Variants in KAZN observed in about 807,000 individuals in gnomAD.
KAZN encodes the protein kazrin, periplakin interacting protein.
Under a neutral mutation model 87.4 loss-of-function variants are expected in KAZN, and 40 were observed. The observed-to-expected ratio is 0.46, with a 90% CI of 0.36 to 0.60. The LOEUF (loss-of-function observed/expected upper bound fraction) is 0.60, where lower values mean the gene tolerates loss of function less well. Ranked by LOEUF, KAZN falls within the 20% of genes least tolerant of loss-of-function variation. The pLI is 0.00. For missense variants in KAZN, 898 were observed against 1,073.9 expected (o/e 0.84, Z 2.29); for synonymous variants, 466 against 458.3 (o/e 1.02, Z -0.22).
chr1:14,692,273 G>A (rs1039482646), intron 1 of KAZN: 3 of 697,074 alleles, frequency 4.3e-6, no homozygotes, highest in African/African-American at 3.7e-5. Flanking sequence ...TCATCATCTG[G>A]GATTCTTGTA....
At chr1:14,990,641 A>T (rs180832342) in intron 2 of KAZN, among the ~76,000 whole-genome samples, 1 of 151,910 alleles carries the variant, frequency 6.6e-6, no homozygotes, top group Admixed American at 6.6e-5. Context: ...AGAGACCATG[A>T]GCCCCTTCAA....
At chr1:14,153,509 T>G (rs1309523093) in intron 1 of KAZN, among the ~76,000 whole-genome samples, 1 of 152,198 alleles carries the variant, frequency 6.6e-6, no homozygotes, top group Non-Finnish European at 1.5e-5. Context: ...GTGCAGTGGC[T>G]CACGCCTGTA....
rs535822558 is a variant in KAZN at position 14,464,908 on chromosome 1, A to C, written c.250-134075A>C. On this transcript the variant is annotated intron_variant, in intron 2 of 16. Transcript: ENST00000636203. ...GGGTCATATCACCTTGTTACATAGC[A>C]TGTTGCTGCATAACAGCTGTGTACC... 2.6e-5 allele frequency among the ~76,000 whole-genome samples: 4 copies of C among 152,116 alleles called. No homozygotes were observed. In the South Asian group the frequency reaches 6.2e-4, roughly 24 times the overall value.
chr1:14,031,440 C>T (rs1028181723), intron 1 of KAZN, among the ~76,000 whole-genome samples: 11 of 152,186 alleles, frequency 7.2e-5, no homozygotes, highest in African/African-American at 2.7e-4. Flanking sequence ...TGATTTAATT[C>T]GTTGCTCCAT....
At chr1:13,932,422 G>A (rs980642154) in intron 1 of KAZN, among the ~76,000 whole-genome samples, 7 of 151,496 alleles carry the variant, frequency 4.6e-5, no homozygotes, top group Non-Finnish European at 1.0e-4. Flanking sequence ...CACTACGCCC[G>A]GCTAATTTTT....
chr1:14,106,140 A>C (rs562061412), intron 1 of KAZN, among the ~76,000 whole-genome samples: 7 of 152,344 alleles, frequency 4.6e-5, no homozygotes, highest in African/African-American at 1.7e-4. Flanking sequence ...CAAACCCAGA[A>C]GGGGTAGCCT....
intron 2 of KAZN, among the ~76,000 whole-genome samples, chr1:14,305,781 A>G (rs893064023): frequency 3.3e-5 from 5 of 152,056 alleles, no homozygotes; most frequent in African/African-American, 1.2e-4. Context: ...TAACAGGCTT[A>G]TAATCTATGG....
upstream of KAZN, among the ~76,000 whole-genome samples, chr1:14,596,359 C>A (rs1676514687): frequency 3.3e-5 from 5 of 152,112 alleles, no homozygotes; most frequent in Admixed American, 2.6e-4. Context: ...TAGAGCTACT[C>A]TTAACTGTTT....
At chr1:14,661,663 G>A (rs1204980565) in intron 1 of KAZN, among the ~76,000 whole-genome samples, 5 of 93,228 alleles carry the variant, frequency 5.4e-5, no homozygotes, top group Non-Finnish European at 1.2e-4. Flanking sequence ...ATTGGGGGAC[G>A]GGGGGGCGGG....
chr1:14,570,398 C>T (rs1674792216), intron 2 of KAZN, among the ~76,000 whole-genome samples: 2 of 152,194 alleles, frequency 1.3e-5, no homozygotes, highest in Admixed American at 1.3e-4. Context: ...CCTCCTCCTC[C>T]CAATTCCTAT....
At chr1:15,110,364 G>A (rs1641514239) in intron 13 of KAZN, among the ~76,000 whole-genome samples, 2 of 143,178 alleles carry the variant, frequency 1.4e-5, no homozygotes, top group East Asian at 4.2e-4. Context: ...GTGTGTATGT[G>A]TGTATATGTA....
chr1:14,928,882 C>T (rs568857072), intron 1 of KAZN, among the ~76,000 whole-genome samples: 55 of 152,326 alleles, frequency 3.6e-4, no homozygotes, highest in Middle Eastern at 6.8e-3. Context: ...CTGCCCTCCA[C>T]CCTGTGTTGT....
intron 2 of KAZN, among the ~76,000 whole-genome samples, chr1:14,278,335 G>A (rs563169120): frequency 1.0e-4 from 15 of 145,748 alleles, no homozygotes; most frequent in Non-Finnish European, 1.5e-4. Context: ...CTGTCGCACA[G>A]GCTGGAGTGC....
intron 2 of KAZN, among the ~76,000 whole-genome samples, chr1:14,420,454 G>A (rs1415366270): frequency 6.6e-6 from 1 of 152,198 alleles, no homozygotes; most frequent in Non-Finnish European, 1.5e-5. Context: ...GGAGCCACGG[G>A]GGGAGCTGCC....
rs1013592067 is a variant in KAZN at position 15,096,753 on chromosome 1, C to G, written c.1547+1820C>G. On this transcript the variant is annotated intron_variant, in intron 10 of 14. Coordinates refer to ENST00000376030, the MANE Select transcript of KAZN (RefSeq NM_201628.3). The surrounding 1 kb of genome is among the most constrained non-coding windows in gnomAD (Gnocchi z 4.5). ...AAGAGGGAGGGGGAGAGAGTGATGT[C>G]TCTGGTCTCTTCCTGTAAGGACAAT... 1.3e-5 allele frequency among the ~76,000 whole-genome samples: 2 copies of G among 152,182 alleles called. No homozygotes were observed. The highest frequency in any genetic ancestry group is 2.4e-5 in the African/African-American group (1 of 41,432).
Position 14,964,604 on chromosome 1 carries a change from A to G in KAZN, c.418+3729A>G, listed in dbSNP as rs74507811. Among the ~76,000 whole-genome samples the G allele has an allele frequency of 5.1e-3, 775 of 152,298 alleles. 12 individuals carry two copies. The highest frequency in any genetic ancestry group is 6.8e-3 in the Middle Eastern group (2 of 294). The stretch of plus-strand genomic sequence containing the variant: ...GATGCGGGCAGAAGGAGTCCAGGGC[A>G]TGGAAAGGGATTTATATGCCCATAA... On this transcript the variant is annotated intron_variant, in intron 2 of 14. Coordinates refer to ENST00000376030, the MANE Select transcript of KAZN (RefSeq NM_201628.3).
intron 2 of KAZN, among the ~76,000 whole-genome samples, chr1:14,414,212 A>T (rs1046712571): frequency 1.3e-5 from 2 of 152,194 alleles, no homozygotes; most frequent in Non-Finnish European, 2.9e-5. Context: ...GGCAATATTT[A>T]GTAACACTAG....
At chr1:14,313,340 G>A (rs576601423) in intron 2 of KAZN, among the ~76,000 whole-genome samples, 1 of 152,170 alleles carries the variant, frequency 6.6e-6, no homozygotes, top group East Asian at 1.9e-4. Context: ...ATTTCTCACT[G>A]GAGCCTGCCT....
At chr1:13,990,086 A>C (rs2101106967) in intron 1 of KAZN, among the ~76,000 whole-genome samples, 1 of 152,362 alleles carries the variant, frequency 6.6e-6, no homozygotes, top group East Asian at 1.9e-4. Flanking sequence ...GACAATCAAA[A>C]ACAAACTTTA....
Sources: allele counts gnomAD v4.1 joint callset (sites outside exome capture counted in the v4.1 genomes callset), GRCh38; gene constraint gnomAD v4.1.1; non-coding constraint Gnocchi (gnomAD v3.1); transcripts MANE v1.5; gene names NCBI Gene and HGNC (gene_info 2026-07-23, HGNC 2026-07-21).